PREP: variants seen among roughly 807,000 people sequenced by gnomAD.
PREP encodes dJ355L5.1 (prolyl endopeptidase).
In PREP, 29 loss-of-function variants were observed where a neutral mutation model predicts 87.6. The observed-to-expected ratio is 0.33, with a 90% CI of 0.25 to 0.45. The LOEUF (loss-of-function observed/expected upper bound fraction) is 0.45, where lower values mean the gene tolerates loss of function less well. PREP is among the 20% of genes least tolerant of loss of function. The pLI, the probability that PREP is intolerant of heterozygous loss-of-function variation, is 1.00. For synonymous variants in PREP, 337 were observed against 328.6 expected (o/e 1.03, Z -0.28); for missense variants, 695 against 886.5 (o/e 0.78, Z 2.74).
At chr6:105,344,229 G>A (rs1010604791) in intron 7 of PREP, among the ~76,000 whole-genome samples, 6 of 152,270 alleles carry the variant, frequency 3.9e-5, no homozygotes, top group East Asian at 3.9e-4. Context: ...GGTGGCTCAC[G>A]CCTGTAATCC....
Position 105,273,954 on chromosome 6 carries a change from G to T in PREP, c.*4190C>A, listed in dbSNP as rs73512039. ...GTCCGAATGTTGCTTCCTGAAAGAG[G>T]CACCCTGACCTCGACTCAAATAGCA... On this transcript the variant is annotated 3_prime_UTR_variant, in exon 15 of 15. Transcript: ENST00000652536. Among the ~76,000 whole-genome samples the T allele has an allele frequency of 6.6e-6, 1 of 152,106 alleles. No homozygotes were observed. Among genetic ancestry groups the T allele is most frequent in the African/African-American group, 2.4e-5 (1 of 41,374 alleles).
At chr6:105,359,004 T>C (rs1394029449) in intron 6 of PREP, among the ~76,000 whole-genome samples, 1 of 152,154 alleles carries the variant, frequency 6.6e-6, no homozygotes, top group Non-Finnish European at 1.5e-5. Flanking sequence ...CTGATCTTAA[T>C]AGGAAAATTT....
At chr6:105,347,816 C>T (rs925866333) in intron 7 of PREP, among the ~76,000 whole-genome samples, 1 of 152,038 alleles carries the variant, frequency 6.6e-6, no homozygotes, top group African/African-American at 2.4e-5. Context: ...TGTTCGAAAC[C>T]AGCCTGGGCA....
At chr6:105,380,409 C>T (rs1184254539) in intron 2 of PREP, among the ~76,000 whole-genome samples, 3 of 152,132 alleles carry the variant, frequency 2.0e-5, no homozygotes, top group Non-Finnish European at 2.9e-5. Flanking sequence ...GATCTCTCAT[C>T]GAAGTGCAAA....
chr6:105,394,142 G>A (rs940243969), intron 2 of PREP, among the ~76,000 whole-genome samples: 2 of 151,946 alleles, frequency 1.3e-5, no homozygotes, highest in African/African-American at 4.8e-5. Flanking sequence ...GGAATTCAAG[G>A]ACATTTTAAT....
chr6:105,374,380 T>G (rs978396265), intron 4 of PREP, among the ~76,000 whole-genome samples: 1 of 152,142 alleles, frequency 6.6e-6, no homozygotes, highest in Admixed American at 6.5e-5. Flanking sequence ...AGAGATTTCC[T>G]CTTAGGCTGT....
At chr6:105,352,421 TTTCC>T (rs1771982050) in intron 7 of PREP, among the ~76,000 whole-genome samples, 1 of 152,206 alleles carries the variant, frequency 6.6e-6, no homozygotes, top group Non-Finnish European at 1.5e-5. Flanking sequence ...AGGCTGTTCT[TTTCC>T]TAAGTACTGA....
At position 105,281,734 on chromosome 6, in the gene PREP, A is replaced by ATAAAACC. The variant is rs1375371836; in HGVS notation, c.1838+5_1838+11dup. ...AACCACTAACAACATATATATGTCA[A>ATAAAACC]TAAAACCTTACTTGACAAGCCATTC... On this transcript the variant is annotated intron_variant, in intron 14 of 14. Coordinates refer to ENST00000652536, the MANE Select transcript of PREP (RefSeq NM_002726.5). 4 of 1,612,330 alleles carry ATAAAACC rather than the reference A, an allele frequency of 2.5e-6. No individual in the cohort carries two copies. Among genetic ancestry groups the ATAAAACC allele is most frequent in the African/African-American group, 1.3e-5 (1 of 74,840 alleles).
At chr6:105,333,235 A>T in intron 8 of PREP, 79 bp downstream of exon 8, 4 of 1,353,610 alleles carry the variant, frequency 3.0e-6, no homozygotes, top group Non-Finnish European at 4.2e-6. Context: ...ACAGATCACT[A>T]GAGAATGAGA....
intron 9 of PREP, among the ~76,000 whole-genome samples, chr6:105,327,454 G>A (rs1289044987): frequency 2.0e-5 from 3 of 152,144 alleles, no homozygotes; most frequent in Non-Finnish European, 4.4e-5. Context: ...AGTAAAGCCT[G>A]GCTAGGTTTT....
chr6:105,297,230 C>T (rs941595005), intron 10 of PREP, among the ~76,000 whole-genome samples: 1 of 152,234 alleles, frequency 6.6e-6, no homozygotes, highest in Admixed American at 6.5e-5. Context: ...AGTGTCTTCT[C>T]TGTCATTTAT....
At chr6:105,322,966 G>A in intron 10 of PREP, 1 of 1,292,174 alleles carries the variant, frequency 7.7e-7, no homozygotes, top group Non-Finnish European at 1.0e-6. Flanking sequence ...TGTGGCCTGT[G>A]TGGTCCAGCC....
intron 4 of PREP, among the ~76,000 whole-genome samples, chr6:105,373,924 T>C (rs1405226355): frequency 6.6e-6 from 1 of 152,252 alleles, no homozygotes; most frequent in African/African-American, 2.4e-5. Context: ...ATTTCATTTA[T>C]ACTCTAAAGG....
intron 1 of PREP, among the ~76,000 whole-genome samples, chr6:105,400,291 T>C (rs972800364): frequency 6.6e-6 from 1 of 152,180 alleles, no homozygotes; most frequent in Admixed American, 6.5e-5. Flanking sequence ...ATATTTTACT[T>C]GTACTGTTCA....
At chr6:105,294,337 C>T (rs951859605) in intron 10 of PREP, among the ~76,000 whole-genome samples, 1 of 152,192 alleles carries the variant, frequency 6.6e-6, no homozygotes, top group African/African-American at 2.4e-5. Flanking sequence ...GCTTTTGTCA[C>T]TTCCTCTTTC....
intron 10 of PREP, among the ~76,000 whole-genome samples, chr6:105,305,670 A>G (rs2114630264): frequency 6.6e-6 from 1 of 152,256 alleles, no homozygotes; most frequent in African/African-American, 2.4e-5. Flanking sequence ...ATATTTGTGC[A>G]GTGGAATAAC....
At chr6:105,354,385 A>T (rs1772038009) in intron 6 of PREP, among the ~76,000 whole-genome samples, 1 of 152,176 alleles carries the variant, frequency 6.6e-6, no homozygotes, top group Admixed American at 6.5e-5. Context: ...GGTTGTACCA[A>T]CTTACACTCT....
chr6:105,359,652 G>C (rs1343811213), intron 6 of PREP, among the ~76,000 whole-genome samples: 1 of 152,146 alleles, frequency 6.6e-6, no homozygotes, highest in Non-Finnish European at 1.5e-5. Flanking sequence ...GGAGCAGACA[G>C]CTCTCAGACG....
intron 7 of PREP, among the ~76,000 whole-genome samples, chr6:105,349,043 A>AATT (rs58828397): frequency 0.1 from 15,864 of 151,982 alleles, 2,502 homozygotes; most frequent in African/African-American, 0.34. Context: ...ACAGCTGAAA[A>AATT]ATTATTATAT....
Sources: gnomAD v4.1 joint callset for allele counts (sites outside exome capture counted in the v4.1 genomes callset) on GRCh38, gnomAD v4.1.1 for gene constraint, MANE v1.5 for transcripts, NCBI Gene and HGNC (gene_info 2026-07-23, HGNC 2026-07-21) for gene names.